The following EIF4G1 variants were observed in gnomAD, a reference collection of about 807,000 sequenced individuals.
EIF4G1 encodes eukaryotic translation initiation factor 4 gamma 1.
In EIF4G1, 4 loss-of-function variants were observed where a neutral mutation model predicts 187.8. The observed-to-expected ratio is 0.02, with a 90% CI of 0.01 to 0.05. EIF4G1 has a LOEUF of 0.05. Among genes scored for constraint, EIF4G1 ranks in the 10% least tolerant of loss-of-function variants. The pLI is 1.00. For missense variants in EIF4G1, 1,647 were observed against 2,081.1 expected (o/e 0.79, Z 4.06); for synonymous variants, 844 against 781.4 (o/e 1.08, Z -1.34).
At chr3:184,316,329 C>T in intron 4 of EIF4G1, 111 bp downstream of exon 4, 6 of 1,387,606 alleles carry the variant, frequency 4.3e-6, no homozygotes, top group Non-Finnish European at 6.0e-6. Flanking sequence ...CCTTAATCCT[C>T]TGTGTTCTTT....
At chr3:184,322,298 G>T in intron 10 of EIF4G1, 64 bp from the exon 11 acceptor site, 1 of 1,546,854 alleles carries the variant, frequency 6.5e-7, no homozygotes, top group Non-Finnish European at 8.8e-7. Context: ...ATTTCCCAGG[G>T]ATTAAGGGTA....
chr3:184,315,366 C>T (rs964838312), intron 1 of EIF4G1, 123 bp from the exon 2 acceptor site: 6 of 521,656 alleles, frequency 1.2e-5, no homozygotes, highest in South Asian at 2.8e-5. Flanking sequence ...GGGGACGCCA[C>T]GGCCGAAGCA....
rs972183948 is a variant in EIF4G1, at chr3:184,316,172, G to C, written c.101G>C (p.Ser34Thr). 1 of 1,614,144 alleles carries C rather than the reference G, an allele frequency of 6.2e-7. No homozygotes were observed. Residue 34 changes from serine (S) to threonine (T), a missense_variant, in exon 4 of 33, where the codon AGT (serine) becomes ACT (threonine). Physicochemically the swap from Ser to Thr is moderately conservative, Grantham distance 58. This residue lies in a region of EIF4G1 where 61 missense variants were observed against 49.5 expected (regional missense o/e 1.23). Coordinates refer to ENST00000346169, the MANE Select transcript of EIF4G1 (RefSeq NM_198241.3). The stretch of plus-strand genomic sequence containing the variant: ...GGGCAGACAGCGCCGGTGGTGTTCA[G>C]TACGCCACAAGCGACACAAATGAAC... ...PPGQTAPVVFSTPQATQMNTP... is the reference protein window; with the variant it reads ...PPGQTAPVVFTTPQATQMNTP...
At chr3:184,322,999 T>A (rs769752203) in intron 13 of EIF4G1, 45 bp downstream of exon 13, 1 of 1,614,070 alleles carries the variant, frequency 6.2e-7, no homozygotes, top group East Asian at 2.2e-5. Flanking sequence ...TTGTGCTGGA[T>A]GGATTGGGGA....
intron 31 of EIF4G1, 32 bp from the exon 32 acceptor site, chr3:184,331,914 A>G (rs1279273920): frequency 6.2e-6 from 10 of 1,613,772 alleles, no homozygotes; most frequent in Middle Eastern, 1.6e-4. Flanking sequence ...GGGTAAGGGT[A>G]TATTGCTCCA....
rs960732467 is a variant in EIF4G1 at position 184,315,729 on chromosome 3, C to G, written c.-34-34C>G. The G allele has an allele frequency of 7.9e-6, 12 of 1,518,618 alleles. No individual in the cohort carries two copies. The Admixed American group carries it at 2.2e-4, about 27-fold the overall frequency. 94.1% of individuals were successfully genotyped at this position (1,518,618 alleles called of 1,614,324 possible). On this transcript the variant is annotated intron_variant, in intron 2 of 32. Coordinates refer to ENST00000346169, the MANE Select transcript of EIF4G1 (RefSeq NM_198241.3). ...CCCCATTTGCCTTAAGCTTGGGTCC[C>G]TTCCTCTTCCTGAGCGCCACTCTTT...
intron 8 of EIF4G1, 92 bp downstream of exon 8, chr3:184,320,814 T>C (rs552397369): frequency 1.6e-5 from 25 of 1,604,158 alleles, no homozygotes; most frequent in Non-Finnish European, 2.0e-5. Flanking sequence ...AACTAAGGGA[T>C]TTATTTCCCT....
At chr3:184,317,519 C>G in intron 5 of EIF4G1, 22 bp downstream of exon 5, 1 of 1,613,770 alleles carries the variant, frequency 6.2e-7, no homozygotes. Flanking sequence ...GGCTTGGAGC[C>G]TAGAAGCCAC....
chr3:184,335,119 G>C lies in EIF4G1; in HGVS notation c.*211G>C. The C allele has an allele frequency of 1.6e-6, 1 of 615,290 alleles. No individual in the cohort carries two copies. Among genetic ancestry groups the C allele is most frequent in the Non-Finnish European group, 2.9e-6 (1 of 349,992 alleles). 38.1% of individuals were successfully genotyped at this position (615,290 alleles called of 1,614,324 possible). A position where few individuals can be genotyped will look rare whatever the true frequency, so the allele number is the denominator to read the frequency against. On this transcript the variant is annotated 3_prime_UTR_variant, in exon 33 of 33. Transcript: ENST00000346169. ...CGCCAGGTGTCCCTCTCCTCCCCCTGGGGCACAGAGATATATTATATATAA... is the reference window on the plus strand; with the variant it reads ...CGCCAGGTGTCCCTCTCCTCCCCCTCGGGCACAGAGATATATTATATATAA...
In EIF4G1 at chr3:184,325,981, A is replaced by G. The variant is rs1362228530; in HGVS notation, c.3222+30A>G. On this transcript the variant is annotated intron_variant, in intron 21 of 32. Coordinates refer to ENST00000346169, the MANE Select transcript of EIF4G1 (RefSeq NM_198241.3). The surrounding 1 kb of genome is among the most constrained non-coding windows in gnomAD (Gnocchi z 5.2). ...GGGTGTGTGTGGGAGTGGGTGATTC[A>G]GCTCAGGTTTAGATCTTAGTCCCTT... The G allele has an allele frequency of 7.5e-6, 12 of 1,608,038 alleles. No individual in the cohort carries two copies. The highest frequency in any genetic ancestry group is 1.0e-5 in the Non-Finnish European group (12 of 1,174,658).
In EIF4G1 at chr3:184,332,081, C is replaced by A. The variant is rs774175060; in HGVS notation, c.4613C>A (p.Pro1538His). The A allele has an allele frequency of 6.2e-7, 1 of 1,614,172 alleles. No individual in the cohort carries two copies. The change falls in exon 32 of 33, where the codon CCT (proline) becomes CAT (histidine). Residue 1538 changes from proline (P) to histidine (H), a missense_variant. Coordinates refer to ENST00000346169, the MANE Select transcript of EIF4G1 (RefSeq NM_198241.3). Reference sequence around the variant, plus strand: ...GCCCTTGTAGTGACCTTAGAACAGCCTCCCAGTAAGAGCCAGGCCATGGGG... The same window carrying A: ...GCCCTTGTAGTGACCTTAGAACAGCATCCCAGTAAGAGCCAGGCCATGGGG... Reference protein sequence around the residue: ...LQALVVTLEQPPNLLRMFFDA... With the variant: ...LQALVVTLEQHPNLLRMFFDA...
In EIF4G1 at chr3:184,325,764, C is replaced by T; in HGVS notation, c.3122-87C>T. 2 of 1,610,606 alleles carry T rather than the reference C, an allele frequency of 1.2e-6. No homozygotes were observed. The highest frequency in any genetic ancestry group is 2.2e-5 in the East Asian group (1 of 44,878). On this transcript the variant is annotated intron_variant, in intron 20 of 32. Coordinates refer to ENST00000346169, the MANE Select transcript of EIF4G1 (RefSeq NM_198241.3). The surrounding 1 kb of genome is among the most constrained non-coding windows in gnomAD (Gnocchi z 5.2). ...GAGACACCATGATGGAACTGAGGAT[C>T]TGAGGAAGGGAGGCTGGGGGTGGCC...
At chr3:184,316,043 C>T (rs1722718757) in intron 3 of EIF4G1, 89 bp from the exon 4 acceptor site, 8 of 1,575,990 alleles carry the variant, frequency 5.1e-6, no homozygotes, top group Admixed American at 1.8e-5. Flanking sequence ...AAGGCTCTTG[C>T]CGCAGATCTG....
chr3:184,326,661 A>AC (rs1192382158), intron 22 of EIF4G1, 32 bp downstream of exon 22: 10 of 1,604,062 alleles, frequency 6.2e-6, no homozygotes, highest in Non-Finnish European at 7.6e-6. Context: ...CTGGGTGGTT[A>AC]CCCGTCAGAG....
Position 184,328,767 on chromosome 3 carries a change from CT to C in EIF4G1, c.4079+12del. On this transcript the variant is annotated intron_variant, in intron 27 of 32. Coordinates refer to ENST00000346169, the MANE Select transcript of EIF4G1 (RefSeq NM_198241.3). Reference sequence around the variant, plus strand: ...GGGGGAGCTGTTCAGGTAAGTCCCCCTGGGTGGAATTCAGGGGAGGTAAAGA... The same window carrying C: ...GGGGGAGCTGTTCAGGTAAGTCCCCCGGGTGGAATTCAGGGGAGGTAAAGA... 1.2e-6 allele frequency: 2 copies of C among 1,614,064 alleles called. No individual in the cohort carries two copies. The highest frequency in any genetic ancestry group is 1.7e-6 in the Non-Finnish European group (2 of 1,179,988).
intron 17 of EIF4G1, 147 bp from the exon 18 acceptor site, chr3:184,324,731 A>G (rs1724548640): frequency 1.6e-5 from 14 of 889,548 alleles, no homozygotes; most frequent in Non-Finnish European, 2.4e-5. Context: ...TCCCAAATTG[A>G]TGGGATTACA....
At position 184,328,028 on chromosome 3, in the gene EIF4G1, C is replaced by A. The variant is rs534101169; in HGVS notation, c.3953+26C>A. ...GTATGACCAGCTTCTCTGGGCCTCC[C>A]ACTTATACAGACCCACAATTTTCTA... is the stretch of plus-strand genomic sequence containing the variant. On this transcript the variant is annotated intron_variant, in intron 26 of 32. Transcript: ENST00000346169. 3.4e-5 allele frequency: 54 copies of A among 1,599,896 alleles called. No homozygotes were observed. The South Asian group carries it at 5.6e-4, about 17-fold the overall frequency.
At position 184,328,729 on chromosome 3, in the gene EIF4G1, G is replaced by A; in HGVS notation, c.4052G>A (p.Gly1351Asp). 11 of 1,614,212 alleles carry A rather than the reference G, an allele frequency of 6.8e-6. No homozygotes were observed. The highest frequency in any genetic ancestry group is 9.3e-6 in the Non-Finnish European group (11 of 1,180,038). ...CTGGTAACACCCATTCTGCAGGAAGGTGGGGTGCCCATGGGGGAGCTGTTC... is the reference window on the plus strand; with the variant it reads ...CTGGTAACACCCATTCTGCAGGAAGATGGGGTGCCCATGGGGGAGCTGTTC... ...AELVTPILQEGGVPMGELFRE... is the reference protein window; with the variant it reads ...AELVTPILQEDGVPMGELFRE... The change falls in exon 27 of 33, where the codon GGT (glycine) becomes GAT (aspartate). Residue 1351 changes from glycine to aspartate, a missense_variant. Gly to Asp is a moderately conservative substitution (Grantham distance 94). This residue lies in a region of EIF4G1 where 543 missense variants were observed against 638.0 expected (regional missense o/e 0.85). Transcript: ENST00000346169.
At position 184,322,692 on chromosome 3, in the gene EIF4G1, A is replaced by G; in HGVS notation, c.1757A>G (p.Asn586Ser). The G allele has an allele frequency of 6.2e-7, 1 of 1,614,224 alleles. No homozygotes were observed. The highest frequency in any genetic ancestry group is 2.2e-5 in the East Asian group (1 of 44,886). Residue 586 changes from asparagine to serine, a missense_variant, in exon 12 of 33, where the codon AAC becomes AGC. By Grantham distance (46) the Asn-to-Ser change is conservative (BLOSUM62 1). This residue lies in a region of EIF4G1 where 522 missense variants were observed against 485.2 expected (regional missense o/e 1.08). Transcript: ENST00000346169. ...SKEDKIHNAE[N>S]IQPGEQKYEY... ...GAAGACAAAATTCACAATGCTGAGAACATCCAGCCCGGGGAACAGAAGTAT... is the reference window on the plus strand; with the variant it reads ...GAAGACAAAATTCACAATGCTGAGAGCATCCAGCCCGGGGAACAGAAGTAT...
Sources: gnomAD v4.1 joint callset for allele counts on GRCh38, gnomAD v4.1.1 for gene constraint, gnomAD v4.1.1 regional missense constraint, Gnocchi (gnomAD v3.1) non-coding constraint, MANE v1.5 for transcripts, NCBI Gene and HGNC (gene_info 2026-07-23, HGNC 2026-07-21) for gene names.